The following CCDC141 variants were observed in gnomAD, a reference collection of about 807,000 sequenced individuals.
The protein encoded by CCDC141 is coiled-coil domain containing 141.
In CCDC141, 168 loss-of-function variants were observed where a neutral mutation model predicts 181.0. The ratio of observed to expected loss-of-function variants is 0.93; its 90% CI spans 0.82 to 1.05. CCDC141 has a LOEUF of 1.05. CCDC141 is among the 50% of genes least tolerant of loss of function. The pLI is 0.00. For missense variants in CCDC141, 1,902 were observed against 1,788.5 expected (o/e 1.06, Z -1.14); for synonymous variants, 666 against 642.3 (o/e 1.04, Z -0.56).
At chr2:178,881,720 T>G (rs1686616220) in intron 11 of CCDC141, among the ~76,000 whole-genome samples, 1 of 151,660 alleles carries the variant, frequency 6.6e-6, no homozygotes, top group Admixed American at 6.6e-5. Flanking sequence ...GAAACCCCAT[T>G]TTTACAAAAA....
chr2:179,049,573 T>C (rs942555329), intron 1 of CCDC141, among the ~76,000 whole-genome samples: 3 of 151,914 alleles, frequency 2.0e-5, no homozygotes, highest in African/African-American at 7.2e-5. Flanking sequence ...TTCTTTTCTT[T>C]ATTTTTCTTT....
At chr2:178,988,944 T>C (rs1315095150) in intron 2 of CCDC141, among the ~76,000 whole-genome samples, 1 of 152,162 alleles carries the variant, frequency 6.6e-6, no homozygotes, top group Non-Finnish European at 1.5e-5. Context: ...GTACTAGATA[T>C]TCACATGTAA....
chr2:178,907,858 G>A (rs539874001), intron 7 of CCDC141, among the ~76,000 whole-genome samples: 1 of 152,034 alleles, frequency 6.6e-6, no homozygotes, highest in Non-Finnish European at 1.5e-5. Context: ...AATTAGCCAG[G>A]TGTGGTAGCA....
chr2:178,876,598 T>C (rs930361313), intron 12 of CCDC141: 4 of 152,184 alleles, frequency 2.6e-5, no homozygotes, highest in Non-Finnish European at 5.9e-5. Flanking sequence ...TGAAGTACTA[T>C]TGGGAGCATT....
At chr2:178,972,652 G>A (rs1575286277) in intron 4 of CCDC141, among the ~76,000 whole-genome samples, 2 of 152,290 alleles carry the variant, frequency 1.3e-5, no homozygotes, top group South Asian at 4.1e-4. Context: ...AACCAGGCCA[G>A]TAAGTAATCC....
At chr2:178,880,524 G>A (rs529736289) in intron 11 of CCDC141, among the ~76,000 whole-genome samples, 1 of 152,066 alleles carries the variant, frequency 6.6e-6, no homozygotes, top group Admixed American at 6.5e-5. Context: ...GCCGAGAAAG[G>A]GGAGTTCAGA....
chr2:178,907,383 C>T (rs1173472150), intron 7 of CCDC141, among the ~76,000 whole-genome samples: 1 of 152,198 alleles, frequency 6.6e-6, no homozygotes, highest in Non-Finnish European at 1.5e-5. Flanking sequence ...GCTCTTAAAT[C>T]CTGGGCTGTG....
chr2:178,952,271 G>A (rs1165204840), intron 5 of CCDC141, among the ~76,000 whole-genome samples: 1 of 152,182 alleles, frequency 6.6e-6, no homozygotes, highest in Non-Finnish European at 1.5e-5. Context: ...ATCCAGTAAA[G>A]CTCAGAAAGT....
At chr2:178,899,985 A>C (rs1266983303) in intron 8 of CCDC141, among the ~76,000 whole-genome samples, 1 of 152,172 alleles carries the variant, frequency 6.6e-6, no homozygotes, top group African/African-American at 2.4e-5. Context: ...ATTTCAGTTC[A>C]ATTTTTAATG....
intron 6 of CCDC141, among the ~76,000 whole-genome samples, chr2:178,926,859 T>A (rs1688926642): frequency 6.6e-6 from 1 of 152,220 alleles, no homozygotes; most frequent in South Asian, 2.1e-4. Flanking sequence ...CTGATATACA[T>A]ACATATGTTA....
At chr2:178,839,114 T>C (rs575402489) in intron 22 of CCDC141, among the ~76,000 whole-genome samples, 1 of 152,278 alleles carries the variant, frequency 6.6e-6, no homozygotes, top group South Asian at 2.1e-4. Flanking sequence ...ATTTTGTAAG[T>C]GATTTTTAAG....
chr2:178,824,093 T>C, the CCDC141 span, among the ~76,000 whole-genome samples: 262 of 111,128 alleles, frequency 2.4e-3, no homozygotes, highest in African/African-American at 8.0e-3. Context: ...CACACACGTA[T>C]AGCAAAGATT....
rs1283391859 is a variant in CCDC141, at chr2:179,047,315, TGAA to T, written c.191_193del (p.Leu64del). ...CTTGGCCAAAAGAAGTTCATGATCATGAAGAAGTTTTTTGGTTTCATCTTGACT... is the reference window on the plus strand; with the variant it reads ...CTTGGCCAAAAGAAGTTCATGATCATGAAGTTTTTTGGTTTCATCTTGACT... On this transcript the variant is annotated inframe_deletion, in exon 2 of 24. Coordinates refer to ENST00000443758, the MANE Select transcript of CCDC141 (RefSeq NM_173648.4). 24 of 1,543,680 alleles carry T rather than the reference TGAA, an allele frequency of 1.6e-5. No homozygotes were observed. Among genetic ancestry groups the T allele is most frequent in the Non-Finnish European group, 2.1e-5 (24 of 1,145,382 alleles).
intron 2 of CCDC141, among the ~76,000 whole-genome samples, chr2:179,021,939 AAGAT>A (rs1381783390): frequency 1.3e-5 from 2 of 152,192 alleles, no homozygotes; most frequent in Non-Finnish European, 2.9e-5. Context: ...GGCCTAATAA[AAGAT>A]AGTATTTTAA....
At chr2:178,987,679 A>T (rs1285654332) in intron 2 of CCDC141, among the ~76,000 whole-genome samples, 1 of 150,344 alleles carries the variant, frequency 6.7e-6, no homozygotes, top group Admixed American at 6.6e-5. Context: ...GACACTTCTC[A>T]AAAGAAGACA....
At chr2:179,049,156 T>C (rs1226088209) in intron 1 of CCDC141, among the ~76,000 whole-genome samples, 1 of 152,204 alleles carries the variant, frequency 6.6e-6, no homozygotes, top group African/African-American at 2.4e-5. Context: ...GTGGTCATCT[T>C]TGCAAATGGG....
intron 5 of CCDC141, among the ~76,000 whole-genome samples, chr2:178,947,173 A>G (rs1689767647): frequency 6.6e-6 from 1 of 152,198 alleles, no homozygotes; most frequent in African/African-American, 2.4e-5. Flanking sequence ...CACCCAGTAA[A>G]TCAGTCATTG....
chr2:178,956,501 C>T (rs768068429), intron 5 of CCDC141, among the ~76,000 whole-genome samples: 68 of 151,982 alleles, frequency 4.5e-4, no homozygotes, highest in Admixed American at 1.5e-3. Context: ...CAGGGTTTTG[C>T]CATGTTACCC....
intron 9 of CCDC141, 128 bp downstream of exon 9, chr2:178,888,399 A>G: frequency 1.3e-6 from 1 of 785,248 alleles, no homozygotes; most frequent in Middle Eastern, 3.7e-4. Context: ...CAATTAAAGG[A>G]CCCAATGTGG....
Sources: allele counts gnomAD v4.1 joint callset (sites outside exome capture counted in the v4.1 genomes callset), GRCh38; gene constraint gnomAD v4.1.1; transcripts MANE v1.5; gene names NCBI Gene and HGNC (gene_info 2026-07-23, HGNC 2026-07-21).